Variants in SVIL observed in about 807,000 individuals in gnomAD.
The protein encoded by SVIL is archvillin.
Under a neutral mutation model 240.4 loss-of-function variants are expected in SVIL, and 101 were observed. That is an observed-to-expected ratio of 0.42 (90% CI 0.36 to 0.50). SVIL has a LOEUF of 0.50. Among genes scored for constraint, SVIL ranks in the 20% least tolerant of loss-of-function variants. The pLI is 0.01. For synonymous variants in SVIL, 999 were observed against 1,100.0 expected, an observed-to-expected ratio of 0.91 and a Z score of 1.82; for missense variants, 2,512 against 2,818.7, an observed-to-expected ratio of 0.89 and a Z score of 2.46.
intron 6 of SVIL, among the ~76,000 whole-genome samples, chr10:29,537,654 C>T (rs1372831677): frequency 6.6e-6 from 1 of 152,206 alleles, no homozygotes; most frequent in Non-Finnish European, 1.5e-5. Flanking sequence ...AAACACATTG[C>T]AGCTCAAAAA....
chr10:29,464,482 T>G (rs1377566410), intron 34 of SVIL, among the ~76,000 whole-genome samples: 3 of 152,164 alleles, frequency 2.0e-5, no homozygotes, highest in African/African-American at 7.2e-5. Flanking sequence ...ACTGTTCTAC[T>G]GCCTTTTCCT....
chr10:29,734,607 C>T (rs1964793035), intron 1 of SVIL, among the ~76,000 whole-genome samples: 1 of 152,104 alleles, frequency 6.6e-6, no homozygotes, highest in Non-Finnish European at 1.5e-5. Context: ...TCATAAAAAC[C>T]AGTGCCTGCC....
chr10:29,522,459 CT>C lies in SVIL; in HGVS notation c.3339del (p.Glu1115ArgfsTer20). The C allele has an allele frequency of 6.2e-7, 1 of 1,614,194 alleles. No individual in the cohort carries two copies. The highest frequency in any genetic ancestry group is 8.5e-7 in the Non-Finnish European group (1 of 1,180,048). ...CTGGGTGAGTCAAGAAGGCCCTCCC[CT>C]GTCGGCGTTTTGATCTCTCCAGCAG... ...MFAAGEIKTP[T>X]GEGLLDSPSK... On this transcript the variant is annotated frameshift_variant, in exon 16 of 38. Transcript: ENST00000355867. LOFTEE classifies it high-confidence loss of function.
intron 1 of SVIL, among the ~76,000 whole-genome samples, chr10:29,583,548 C>T (rs1420284493): frequency 1.3e-5 from 2 of 152,184 alleles, no homozygotes; most frequent in African/African-American, 4.8e-5. Context: ...AATCCTCCCA[C>T]CTCGGCCTCC....
Position 29,470,377 on chromosome 10 carries a change from C to G in SVIL, c.5742G>C (p.Val1914=). 2 of 1,614,238 alleles carry G rather than the reference C, an allele frequency of 1.2e-6. No homozygotes were observed. The highest frequency in any genetic ancestry group is 8.5e-7 in the Non-Finnish European group (1 of 1,180,050). The change falls in exon 32 of 38, where the codon GTG becomes GTC. Residue 1914 remains valine, a synonymous_variant. Coordinates refer to ENST00000355867, the MANE Select transcript of SVIL (RefSeq NM_021738.3). ...SSLRSRTSMV[V]LNVNKALIYL... Reference sequence around the variant, plus strand: ...AGATGAGGGCCTTGTTGACGTTAAGCACCACCATGGAAGTTCTGGACCTCA... The same window carrying G: ...AGATGAGGGCCTTGTTGACGTTAAGGACCACCATGGAAGTTCTGGACCTCA...
intron 3 of SVIL, among the ~76,000 whole-genome samples, chr10:29,656,482 A>G (rs1022732510): frequency 1.3e-5 from 2 of 152,144 alleles, no homozygotes; most frequent in Non-Finnish European, 2.9e-5. Context: ...AAAAGAATAA[A>G]TAAACATAGA....
Position 29,532,134 on chromosome 10 carries a change from A to G in SVIL, c.1877T>C (p.Leu626Ser), listed in dbSNP as rs1384037530. Residue 626 changes from leucine (L) to serine (S), a missense_variant, in exon 9 of 38, where the codon TTG (leucine) becomes TCG (serine). Physicochemically the swap from Leu to Ser is moderately radical, Grantham distance 145. Transcript: ENST00000355867. ...TCTCTCCCGTTCCACACCGGTGGGCAAGCCAGGTCCTTCAGCCGACCTCTC... is the reference window on the plus strand; with the variant it reads ...TCTCTCCCGTTCCACACCGGTGGGCGAGCCAGGTCCTTCAGCCGACCTCTC... ...RVERSAEGPGLPTGVERERGS... is the reference protein window; with the variant it reads ...RVERSAEGPGSPTGVERERGS... 5 of 1,614,004 alleles carry G rather than the reference A, an allele frequency of 3.1e-6. No homozygotes were observed. The South Asian group carries it at 4.4e-5, about 14-fold the overall frequency.
intron 27 of SVIL, chr10:29,483,145 T>C (rs1241693370): frequency 1.3e-5 from 2 of 152,172 alleles, no homozygotes. Flanking sequence ...GAATGACTGT[T>C]TGTTATGTCA....
chr10:29,550,496 C>A, intron 6 of SVIL, 101 bp downstream of exon 6: 3 of 1,257,048 alleles, frequency 2.4e-6, no homozygotes, highest in Non-Finnish European at 3.2e-6. Context: ...TAAGCCTTGA[C>A]TTCCACATAA....
At chr10:29,577,405 C>T (rs1052805208) in intron 1 of SVIL, among the ~76,000 whole-genome samples, 1 of 152,166 alleles carries the variant, frequency 6.6e-6, no homozygotes, top group African/African-American at 2.4e-5. Context: ...CATAGCTTAG[C>T]TCCCACTTAT....
At chr10:29,527,571 C>T (rs569711054) in intron 12 of SVIL, among the ~76,000 whole-genome samples, 17 of 151,592 alleles carry the variant, frequency 1.1e-4, no homozygotes, top group Admixed American at 8.6e-4. Context: ...GGATTACAGG[C>T]GCGCACCACC....
chr10:29,650,608 A>C (rs1357171322), intron 3 of SVIL, among the ~76,000 whole-genome samples: 1 of 152,168 alleles, frequency 6.6e-6, no homozygotes, highest in African/African-American at 2.4e-5. Flanking sequence ...AATAAATTAT[A>C]TATGAACAGT....
At chr10:29,506,964 C>T (rs1316515097) in intron 17 of SVIL, among the ~76,000 whole-genome samples, 1 of 152,140 alleles carries the variant, frequency 6.6e-6, no homozygotes, top group Non-Finnish European at 1.5e-5. Flanking sequence ...ACACCAAGGA[C>T]ATTCCACGGT....
Position 29,551,136 on chromosome 10 carries a change from G to A in SVIL, c.288C>T (p.His96=), listed in dbSNP as rs1448218505. ...TTCTTTCGGCTTTGGACTCCAGACT[G>A]TGGGTGTCCATGGTACCCGAACCAT... ...SPYGSGTMDT[H]SLESKAERIA... Residue 96 remains histidine, a synonymous_variant, in exon 6 of 38, where the codon CAC becomes CAT. Coordinates refer to ENST00000355867, the MANE Select transcript of SVIL (RefSeq NM_021738.3). 5.6e-6 allele frequency: 9 copies of A among 1,614,032 alleles called. No homozygotes were observed. In the East Asian group the frequency reaches 1.6e-4, roughly 28 times the overall value.
At chr10:29,646,222 C>T (rs546062682) in intron 3 of SVIL, among the ~76,000 whole-genome samples, 6 of 152,348 alleles carry the variant, frequency 3.9e-5, no homozygotes, top group African/African-American at 1.4e-4. Flanking sequence ...CCCCCCTGCC[C>T]TGCAATCTGT....
At chr10:29,587,949 A>G (rs1482224535) in intron 1 of SVIL, among the ~76,000 whole-genome samples, 3 of 152,190 alleles carry the variant, frequency 2.0e-5, no homozygotes, top group African/African-American at 7.2e-5. Flanking sequence ...AATTCTATGA[A>G]GATCTGGACT....
Position 29,673,285 on chromosome 10 carries a change from G to A in SVIL, c.-301+13268C>T, listed in dbSNP as rs140143144. Among the ~76,000 whole-genome samples the A allele has an allele frequency of 3.4e-4, 52 of 152,190 alleles. No homozygotes were observed. The East Asian group carries it at 9.5e-3, about 28-fold the overall frequency. ...TAGAAATATTCTTATTCTAAAAGATGCCATGCAATGATTATTAATTATATG... is the reference window on the plus strand; with the variant it reads ...TAGAAATATTCTTATTCTAAAAGATACCATGCAATGATTATTAATTATATG... On this transcript the variant is annotated intron_variant, in intron 2 of 35. Transcript: ENST00000375400.
chr10:29,577,698 CCAG>C (rs1160781809), intron 1 of SVIL, among the ~76,000 whole-genome samples: 1 of 152,002 alleles, frequency 6.6e-6, no homozygotes, highest in Non-Finnish European at 1.5e-5. Flanking sequence ...GGGTAGATAC[CCAG>C]TAGTGGGATT....
chr10:29,494,935 G>T lies in SVIL; in HGVS notation c.3820C>A (p.Leu1274Ile). The T allele has an allele frequency of 6.2e-7, 1 of 1,614,070 alleles. No individual in the cohort carries two copies. The highest frequency in any genetic ancestry group is 8.5e-7 in the Non-Finnish European group (1 of 1,180,028). ...GTACCTTTGTTATTCAGCCTTCTTA[G>T]AAAGGTTTCCAGCCTGTCCAACTTC... is the stretch of plus-strand genomic sequence containing the variant. ...DLKLDRLETF[L>I]RRLNNKVGGM... Residue 1274 changes from leucine to isoleucine, a missense_variant, in exon 20 of 38, where the codon CTA (leucine) becomes ATA (isoleucine). By Grantham distance (5) the Leu-to-Ile change is conservative. This residue lies in a region of SVIL where 272 missense variants were observed against 406.8 expected (regional missense o/e 0.67). Transcript: ENST00000355867.
Sources: gnomAD v4.1 joint callset for allele counts (sites outside exome capture counted in the v4.1 genomes callset) on GRCh38, gnomAD v4.1.1 for gene constraint, gnomAD v4.1.1 regional missense constraint, MANE v1.5 for transcripts, NCBI Gene and HGNC (gene_info 2026-07-23, HGNC 2026-07-21) for gene names.